N4BP1: variants seen among roughly 807,000 people sequenced by gnomAD.
The protein encoded by N4BP1 is NEDD4-binding protein 1.
In N4BP1, 21 loss-of-function variants were observed where a neutral mutation model predicts 70.9. The ratio of observed to expected loss-of-function variants is 0.30; its 90% confidence interval spans 0.21 to 0.43. The LOEUF is 0.43. N4BP1 is among the 20% of genes least tolerant of loss of function. The pLI is 1.00. For missense variants in N4BP1, 936 were observed against 1,069.4 expected (o/e 0.88, Z 1.74); for synonymous variants, 387 against 394.6 (o/e 0.98, Z 0.23).
At chr16:48,586,092 TATTA>T (rs1342172783) in intron 1 of N4BP1, among the ~76,000 whole-genome samples, 53 of 152,352 alleles carry the variant, frequency 3.5e-4, no homozygotes, top group African/African-American at 1.2e-3. Flanking sequence ...GCTAGACTGA[TATTA>T]ATTAATGGTT....
intron 1 of N4BP1, among the ~76,000 whole-genome samples, chr16:48,598,955 G>C (rs1161429077): frequency 2.6e-5 from 4 of 152,040 alleles, no homozygotes; most frequent in African/African-American, 7.2e-5. Context: ...TTAAAAAGTT[G>C]TATCTCCTTT....
intron 1 of N4BP1, among the ~76,000 whole-genome samples, chr16:48,601,601 T>C (rs557068540): frequency 1.3e-5 from 2 of 152,240 alleles, no homozygotes; most frequent in Non-Finnish European, 2.9e-5. Flanking sequence ...CGTGGATTTA[T>C]TCCTACAGCT....
At chr16:48,580,791 C>CT (rs1964164885) in intron 1 of N4BP1, among the ~76,000 whole-genome samples, 1 of 152,126 alleles carries the variant, frequency 6.6e-6, no homozygotes, top group Admixed American at 6.5e-5. Context: ...CATGTACAGA[C>CT]TTTTTTCCTG....
intron 1 of N4BP1, among the ~76,000 whole-genome samples, chr16:48,595,186 A>T (rs1444445733): frequency 6.6e-6 from 1 of 152,010 alleles, no homozygotes; most frequent in Non-Finnish European, 1.5e-5. Context: ...TCAAAGCCAA[A>T]TGTGGTGGCT....
At chr16:48,577,916 G>T in intron 1 of N4BP1, 2 of 156,440 alleles carry the variant, frequency 1.3e-5, no homozygotes, top group South Asian at 3.3e-4. Context: ...CTGTGCACGG[G>T]AACAATGAAA....
intron 1 of N4BP1, among the ~76,000 whole-genome samples, chr16:48,584,204 G>C (rs1218016677): frequency 2.0e-5 from 3 of 152,074 alleles, no homozygotes; most frequent in Non-Finnish European, 4.4e-5. Flanking sequence ...TAGACAATAG[G>C]GATCTATTTT....
chr16:48,605,224 G>C (rs1428013845), intron 1 of N4BP1, among the ~76,000 whole-genome samples: 1 of 152,062 alleles, frequency 6.6e-6, no homozygotes, highest in African/African-American at 2.4e-5. Context: ...TAGAGACAGG[G>C]TTTCTCCATG....
intron 4 of N4BP1, among the ~76,000 whole-genome samples, chr16:48,549,385 C>G (rs1375560620): frequency 6.6e-6 from 1 of 152,142 alleles, no homozygotes; most frequent in East Asian, 1.9e-4. Flanking sequence ...AGTTCATGTA[C>G]CATGAATGAG....
At chr16:48,564,792 A>G (rs1184669752) in intron 1 of N4BP1, among the ~76,000 whole-genome samples, 1 of 152,228 alleles carries the variant, frequency 6.6e-6, no homozygotes, top group Non-Finnish European at 1.5e-5. Context: ...CTCCTGATCC[A>G]TGAACCTGGT....
At position 48,546,204 on chromosome 16, in the gene N4BP1, G is replaced by T; in HGVS notation, c.2276C>A (p.Pro759His). ...VGDIFMVPDD[P>H]LGRSGPRLEE... ...TAATCGAGGTCCACTTCTTCCCAGA[G>T]GATCATCGGGAACCATAAATATGTC... Residue 759 changes from proline (P) to histidine (H), a missense_variant, in exon 6 of 7, where the codon CCT (proline) becomes CAT (histidine). Pro to His is a moderately conservative substitution (Grantham distance 77, BLOSUM62 -2). Around this residue, in one of 4 missense-constraint regions of N4BP1, gnomAD observed 229 missense variants for 343.5 expected, o/e 0.67. Transcript: ENST00000262384. The T allele has an allele frequency of 6.2e-7, 1 of 1,613,140 alleles. No individual in the cohort carries two copies. Among genetic ancestry groups the T allele is most frequent in the Non-Finnish European group, 8.5e-7 (1 of 1,179,566 alleles).
intron 2 of N4BP1, chr16:48,559,839 G>C (rs1007516936): frequency 4.6e-5 from 7 of 152,348 alleles, no homozygotes; most frequent in African/African-American, 1.4e-4. Context: ...TGTTCGTGCA[G>C]ATCAACTCTG....
chr16:48,588,767 G>C (rs1162840277), intron 1 of N4BP1, among the ~76,000 whole-genome samples: 2 of 152,164 alleles, frequency 1.3e-5, no homozygotes, highest in Non-Finnish European at 2.9e-5. Context: ...AAGCAATTTA[G>C]ACAGCCACAT....
intron 1 of N4BP1, among the ~76,000 whole-genome samples, chr16:48,604,881 G>C (rs1026368154): frequency 6.6e-6 from 1 of 152,112 alleles, no homozygotes; most frequent in Admixed American, 6.5e-5. Context: ...TGACTAATGC[G>C]ATACGCATGG....
intron 6 of N4BP1, among the ~76,000 whole-genome samples, chr16:48,544,126 C>G (rs2151084205): frequency 1.3e-5 from 2 of 152,350 alleles, no homozygotes; most frequent in South Asian, 4.1e-4. Flanking sequence ...ATGAGATGGA[C>G]TGATGAGCAC....
chr16:48,576,955 GA>G (rs1964104261), intron 1 of N4BP1, among the ~76,000 whole-genome samples: 1 of 152,182 alleles, frequency 6.6e-6, no homozygotes, highest in Admixed American at 6.5e-5. Flanking sequence ...TTAGAGTGCA[GA>G]GGTGTGATCA....
intron 1 of N4BP1, among the ~76,000 whole-genome samples, chr16:48,568,630 G>A (rs1303142892): frequency 6.6e-6 from 1 of 152,116 alleles, no homozygotes; most frequent in Non-Finnish European, 1.5e-5. Context: ...AGAGAATTCT[G>A]GGTTAACATT....
chr16:48,608,873 T>C (rs942790513), intron 1 of N4BP1, among the ~76,000 whole-genome samples: 3 of 151,720 alleles, frequency 2.0e-5, no homozygotes, highest in African/African-American at 7.3e-5. Flanking sequence ...GTTATGTAAA[T>C]GTTAGTTGTA....
intron 1 of N4BP1, among the ~76,000 whole-genome samples, chr16:48,594,575 T>C (rs9930255): frequency 0.61 from 92,485 of 152,032 alleles, 30,520 homozygotes; most frequent in East Asian, 0.9. Flanking sequence ...AGCCTGGTCT[T>C]GAACTCCTGG....
At chr16:48,549,932 G>A (rs1963642004) in intron 4 of N4BP1, among the ~76,000 whole-genome samples, 1 of 152,136 alleles carries the variant, frequency 6.6e-6, no homozygotes, top group South Asian at 2.1e-4. Flanking sequence ...AAAATAAACA[G>A]GGCAAATGCA....
Sources: allele counts gnomAD v4.1 joint callset (sites outside exome capture counted in the v4.1 genomes callset), GRCh38; gene constraint gnomAD v4.1.1; regional missense constraint gnomAD v4.1.1; transcripts MANE v1.5; gene names NCBI Gene and HGNC (gene_info 2026-07-23, HGNC 2026-07-21).